TMTC2: variants seen among roughly 807,000 people sequenced by gnomAD.
TMTC2 encodes the protein protein O-mannosyl-transferase TMTC2.
TMTC2 carries 43 observed loss-of-function variants against 82.4 expected under a neutral mutation model. The observed-to-expected ratio is 0.52, with a 90% CI of 0.41 to 0.67. The LOEUF (loss-of-function observed/expected upper bound fraction) is 0.67. Ranked by LOEUF, TMTC2 falls within the 30% of genes least tolerant of loss-of-function variation. The pLI is 0.00. For synonymous variants in TMTC2, 408 were observed against 381.9 expected, an observed-to-expected ratio of 1.07 and a Z score of -0.80; for missense variants, 919 against 1,012.4, an observed-to-expected ratio of 0.91 and a Z score of 1.25.
At chr12:82,816,277 C>T (rs954768996) in intron 1 of TMTC2, among the ~76,000 whole-genome samples, 3 of 151,012 alleles carry the variant, frequency 2.0e-5, no homozygotes, top group Admixed American at 6.6e-5. Flanking sequence ...TCAAAATGAA[C>T]GTATATAATA....
At chr12:83,063,096 A>G (rs1167452021) in intron 11 of TMTC2, among the ~76,000 whole-genome samples, 5 of 151,812 alleles carry the variant, frequency 3.3e-5, no homozygotes, top group African/African-American at 9.7e-5. Flanking sequence ...TTTTATAGAC[A>G]TCATGCAGAA....
Position 83,132,594 on chromosome 12 carries a change from T to A in TMTC2, c.*205T>A, listed in dbSNP as rs538689196. The A allele has an allele frequency of 3.5e-6, 2 of 563,714 alleles. No homozygotes were observed. The highest frequency in any genetic ancestry group is 5.1e-5 in the South Asian group (2 of 39,276). 34.9% of individuals were successfully genotyped at this position (563,714 alleles called of 1,614,324 possible). A position where few individuals can be genotyped will look rare whatever the true frequency, so the allele number is the denominator to read the frequency against. On this transcript the variant is annotated 3_prime_UTR_variant, in exon 12 of 12. Coordinates refer to ENST00000321196, the MANE Select transcript of TMTC2 (RefSeq NM_152588.3). ...AAAAAGGGGAAAGCCGGAAACCTCC[T>A]GGAGGATGTCATTGTTACCCATAGA... is the stretch of plus-strand genomic sequence containing the variant.
At chr12:82,990,188 A>ATT (rs1879341630) in intron 8 of TMTC2, among the ~76,000 whole-genome samples, 1 of 152,206 alleles carries the variant, frequency 6.6e-6, no homozygotes, top group Non-Finnish European at 1.5e-5. Flanking sequence ...TCTTTAATCA[A>ATT]AACTGGCCGA....
chr12:82,984,074 A>G (rs1215759046), intron 7 of TMTC2, among the ~76,000 whole-genome samples: 2 of 152,016 alleles, frequency 1.3e-5, no homozygotes, highest in South Asian at 2.1e-4. Context: ...ACAATTTCTA[A>G]TCTATCATTT....
intron 11 of TMTC2, among the ~76,000 whole-genome samples, chr12:83,074,083 T>G (rs992547735): frequency 3.3e-5 from 5 of 152,188 alleles, no homozygotes; most frequent in African/African-American, 9.7e-5. Flanking sequence ...GGTTGGTTTT[T>G]GGTTCCTTCT....
chr12:82,863,887 C>A (rs564035391), intron 2 of TMTC2, among the ~76,000 whole-genome samples: 1 of 152,094 alleles, frequency 6.6e-6, no homozygotes, highest in Non-Finnish European at 1.5e-5. Flanking sequence ...AATTGAAATT[C>A]AAGCTGGGAA....
intron 11 of TMTC2, among the ~76,000 whole-genome samples, chr12:83,131,320 G>A (rs73135892): frequency 0.011 from 1,700 of 152,234 alleles, 17 homozygotes; most frequent in Middle Eastern, 0.02. Context: ...AGGGACTTTT[G>A]CTGTTGTTAA....
At chr12:82,923,140 A>G (rs1419209383) in intron 3 of TMTC2, among the ~76,000 whole-genome samples, 1 of 150,914 alleles carries the variant, frequency 6.6e-6, no homozygotes. Flanking sequence ...CTTCCCCAAC[A>G]TCCCTACCAG....
At chr12:82,895,319 C>T (rs768632718) in intron 2 of TMTC2, among the ~76,000 whole-genome samples, 21 of 152,076 alleles carry the variant, frequency 1.4e-4, no homozygotes, top group Non-Finnish European at 2.8e-4. Context: ...GCCTTTACTC[C>T]ATTAGAGACA....
chr12:82,938,843 A>G (rs1028776402), intron 4 of TMTC2, among the ~76,000 whole-genome samples: 9 of 152,206 alleles, frequency 5.9e-5, no homozygotes, highest in South Asian at 2.1e-4. Context: ...AGAAGTCCCT[A>G]TTATTGCATT....
At chr12:82,911,964 A>C (rs1002790532) in intron 3 of TMTC2, among the ~76,000 whole-genome samples, 1 of 152,170 alleles carries the variant, frequency 6.6e-6, no homozygotes, top group Non-Finnish European at 1.5e-5. Context: ...CAACAAAAAC[A>C]TCATCTTGAG....
At chr12:82,900,746 ATATATATAGGAATATATATAGAGAGG>A in intron 3 of TMTC2, among the ~76,000 whole-genome samples, 1 of 139,134 alleles carries the variant, frequency 7.2e-6, no homozygotes, top group Non-Finnish European at 1.5e-5. Flanking sequence ...TCTCTGGAAT[ATATATATAGGAATATATATAGAGAGG>A]TATATATATA....
At chr12:82,736,759 G>A (rs753670329) in intron 1 of TMTC2, among the ~76,000 whole-genome samples, 7 of 152,130 alleles carry the variant, frequency 4.6e-5, no homozygotes, top group African/African-American at 2.4e-5. Flanking sequence ...TATTTTGAAT[G>A]TATTTCAAAT....
intron 3 of TMTC2, among the ~76,000 whole-genome samples, chr12:82,905,860 G>C (rs568622094): frequency 6.6e-6 from 1 of 151,326 alleles, no homozygotes; most frequent in Non-Finnish European, 1.5e-5. Flanking sequence ...CAGGAGAATC[G>C]CTTGAACCCA....
chr12:82,908,341 C>G (rs1874434204), intron 3 of TMTC2, among the ~76,000 whole-genome samples: 1 of 151,832 alleles, frequency 6.6e-6, no homozygotes, highest in South Asian at 2.1e-4. Context: ...GATTTTTTCA[C>G]CATTGATTTT....
chr12:82,736,175 G>A (rs1338780394), intron 1 of TMTC2, among the ~76,000 whole-genome samples: 2 of 152,050 alleles, frequency 1.3e-5, no homozygotes, highest in Non-Finnish European at 2.9e-5. Flanking sequence ...AAATGTAATC[G>A]GAGTTGAACT....
intron 10 of TMTC2, among the ~76,000 whole-genome samples, chr12:83,056,751 A>G (rs1389379020): frequency 1.3e-5 from 2 of 151,860 alleles, no homozygotes; most frequent in Admixed American, 6.6e-5. Context: ...TTTACTTCCA[A>G]TTTACAATCA....
chr12:82,927,819 T>A lies in TMTC2; in HGVS notation c.1484-2612T>A, dbSNP rs148109446. 5.2e-3 allele frequency among the ~76,000 whole-genome samples: 792 copies of A among 152,340 alleles called. 7 individuals are homozygous for A. Among genetic ancestry groups the A allele is most frequent in the African/African-American group, 0.018 (769 of 41,588 alleles). On this transcript the variant is annotated intron_variant, in intron 3 of 11. Transcript: ENST00000321196. ...GGCTCAGATGATTGTTAGCATTTTT[T>A]AGCAACAAAGTATTTTTTAATTAAG...
At chr12:83,124,999 A>T (rs1168390644) in intron 11 of TMTC2, among the ~76,000 whole-genome samples, 1 of 152,150 alleles carries the variant, frequency 6.6e-6, no homozygotes, top group African/African-American at 2.4e-5. Flanking sequence ...TTCATCTTAA[A>T]TTTTTTTGTT....
Sources: allele counts gnomAD v4.1 joint callset (sites outside exome capture counted in the v4.1 genomes callset), GRCh38; gene constraint gnomAD v4.1.1; transcripts MANE v1.5; gene names NCBI Gene and HGNC (gene_info 2026-07-23, HGNC 2026-07-21).